The following LRRC36 variants were observed in gnomAD, a reference collection of about 807,000 sequenced individuals.
LRRC36 encodes the protein leucine rich repeat containing 36.
In LRRC36, 62 loss-of-function variants were observed where a neutral mutation model predicts 81.1. That is an observed-to-expected ratio of 0.76 (90% CI 0.62 to 0.94). The LOEUF (loss-of-function observed/expected upper bound fraction) is 0.94. LRRC36 is among the 40% of genes least tolerant of loss of function. The pLI is 0.00. For missense variants in LRRC36, 761 were observed against 881.7 expected, an observed-to-expected ratio of 0.86 and a Z score of 1.73; for synonymous variants, 334 against 348.6, an observed-to-expected ratio of 0.96 and a Z score of 0.47.
At chr16:67,384,768 T>A (rs1426989962) in intron 13 of LRRC36, 102 bp from the exon 14 acceptor site, 1 of 761,930 alleles carries the variant, frequency 1.3e-6, no homozygotes, top group East Asian at 2.5e-5. Context: ...TATTTAAAGA[T>A]GTGACTTCAT....
chr16:67,358,373 TA>T (rs2038993892), intron 5 of LRRC36, among the ~76,000 whole-genome samples: 1 of 152,134 alleles, frequency 6.6e-6, no homozygotes, highest in Non-Finnish European at 1.5e-5. Flanking sequence ...AACCGGAATG[TA>T]GTGGCATGCC....
In LRRC36 at chr16:67,338,865, ATTTTTTTTTTTTTTTTTTTTTTTT is replaced by A. The variant is rs71145967; in HGVS notation, c.71-3069_71-3046del. ...TTTCTAATTTCTGCTTGGAAGCTGA[ATTTTTTTTTTTTTTTTTTTTTTTT>A]TTTTTTTTTTTTTTTTTTTTTTAGG... On this transcript the variant is annotated intron_variant, in intron 1 of 13. Transcript: ENST00000329956. Among the ~76,000 whole-genome samples the A allele has an allele frequency of 9.5e-4, 43 of 45,404 alleles. 1 individual carries two copies. The highest frequency in any genetic ancestry group is 1.5e-3 in the South Asian group (2 of 1,346). 29.8% of individuals were successfully genotyped at this position (45,404 alleles called of 152,430 possible).
At chr16:67,339,482 A>G (rs2037926632) in intron 1 of LRRC36, among the ~76,000 whole-genome samples, 1 of 152,008 alleles carries the variant, frequency 6.6e-6, no homozygotes, top group East Asian at 1.9e-4. Flanking sequence ...AGTGCTTTTA[A>G]TTTTAGGGGT....
At position 67,385,045 on chromosome 16, in the gene LRRC36, C is replaced by T; in HGVS notation, c.2221C>T (p.Leu741=). The T allele has an allele frequency of 6.2e-7, 1 of 1,614,188 alleles. No individual in the cohort carries two copies. The highest frequency in any genetic ancestry group is 8.5e-7 in the Non-Finnish European group (1 of 1,180,036). The change falls in exon 14 of 14, where the codon CTA becomes TTA. Residue 741 remains leucine (L), a synonymous_variant. Coordinates refer to ENST00000329956, the MANE Select transcript of LRRC36 (RefSeq NM_018296.6). ...SPVAHETGQY[L]IQSVLDAAPE... ...AGTGGCACATGAGACTGGTCAGTAT[C>T]TAATACAGAGCGTCTTGGATGCTGC...
At chr16:67,352,184 T>A (rs886885344) in intron 5 of LRRC36, among the ~76,000 whole-genome samples, 1 of 152,250 alleles carries the variant, frequency 6.6e-6, no homozygotes, top group African/African-American at 2.4e-5. Context: ...AAGCCCCAGC[T>A]GTTGCCTGGA....
Position 67,376,788 on chromosome 16 carries a change from CT to C in LRRC36, c.1723del (p.Ser575HisfsTer7). The C allele has an allele frequency of 6.2e-7, 1 of 1,614,002 alleles. No homozygotes were observed. Among genetic ancestry groups the C allele is most frequent in the Non-Finnish European group, 8.5e-7 (1 of 1,179,894 alleles). On this transcript the variant is annotated frameshift_variant, in exon 11 of 14. Coordinates refer to ENST00000329956, the MANE Select transcript of LRRC36 (RefSeq NM_018296.6). LOFTEE classifies it high-confidence loss of function. The part of the protein sequence containing the change: ...VPAPSQPRCC[S>X]HPEDTMKAFC... ...CGGCTCCTTCTCAGCCGAGGTGTTG[CT>C]CACATCCTGAAGACACGATGAAAGC...
At chr16:67,361,218 A>T (rs1404460610) in intron 5 of LRRC36, among the ~76,000 whole-genome samples, 1 of 151,964 alleles carries the variant, frequency 6.6e-6, no homozygotes, top group Non-Finnish European at 1.5e-5. Context: ...TTCAATAGAG[A>T]TGGGGGTCTC....
At chr16:67,341,223 AT>A (rs1281292412) in intron 1 of LRRC36, among the ~76,000 whole-genome samples, 1 of 140,358 alleles carries the variant, frequency 7.1e-6, no homozygotes, top group Non-Finnish European at 1.6e-5. Flanking sequence ...TTAATATATA[AT>A]TTAATATATA....
intron 1 of LRRC36, among the ~76,000 whole-genome samples, chr16:67,341,235 T>C (rs2038064256): frequency 1.4e-5 from 2 of 142,090 alleles, no homozygotes; most frequent in South Asian, 2.2e-4. Flanking sequence ...TTAATATATA[T>C]AATTATATAT....
chr16:67,333,642 A>G (rs759932498), intron 1 of LRRC36, among the ~76,000 whole-genome samples: 6 of 152,144 alleles, frequency 3.9e-5, no homozygotes, highest in Non-Finnish European at 7.3e-5. Flanking sequence ...CATTGGAATC[A>G]TATAATATGT....
At chr16:67,352,262 T>TG (rs1567479663) in intron 5 of LRRC36, among the ~76,000 whole-genome samples, 1 of 152,192 alleles carries the variant, frequency 6.6e-6, no homozygotes, top group Non-Finnish European at 1.5e-5. Flanking sequence ...CACTGAAAAT[T>TG]GTGTTTGTGC....
At chr16:67,371,769 G>C (rs142926243) in intron 9 of LRRC36, 1 of 171,630 alleles carries the variant, frequency 5.8e-6, no homozygotes, top group Non-Finnish European at 1.3e-5. Flanking sequence ...TACTCTACTC[G>C]GGAGGCTGAG....
intron 11 of LRRC36, among the ~76,000 whole-genome samples, chr16:67,377,413 C>T (rs2039942598): frequency 6.6e-6 from 1 of 152,210 alleles, no homozygotes; most frequent in Non-Finnish European, 1.5e-5. Context: ...TCACTGCAAC[C>T]TCTGCCCCCC....
intron 5 of LRRC36, among the ~76,000 whole-genome samples, chr16:67,355,081 G>A (rs2038835397): frequency 6.6e-6 from 1 of 152,094 alleles, no homozygotes; most frequent in Admixed American, 6.5e-5. Context: ...CCTTTTCATG[G>A]CTTGACAGCT....
At chr16:67,341,872 T>A in intron 1 of LRRC36, 85 bp from the exon 2 acceptor site, 1 of 1,086,334 alleles carries the variant, frequency 9.2e-7, no homozygotes, top group Non-Finnish European at 1.3e-6. Context: ...AGTTGAGATA[T>A]GGGAGGAAGA....
chr16:67,347,401 A>G (rs2038401958), intron 3 of LRRC36, 94 bp from the exon 4 acceptor site: 1 of 1,571,080 alleles, frequency 6.4e-7, no homozygotes, highest in East Asian at 2.3e-5. Flanking sequence ...GACTGGTCCT[A>G]ATTTTTCCTC....
At chr16:67,333,392 A>G (rs773804368) in intron 1 of LRRC36, among the ~76,000 whole-genome samples, 2 of 152,184 alleles carry the variant, frequency 1.3e-5, no homozygotes, top group Non-Finnish European at 2.9e-5. Context: ...TCCGCCTCCC[A>G]AAGTGCTGAA....
intron 1 of LRRC36, among the ~76,000 whole-genome samples, chr16:67,339,084 G>A (rs1300041676): frequency 1.3e-5 from 2 of 150,222 alleles, no homozygotes; most frequent in East Asian, 1.9e-4. Flanking sequence ...TGGTAGAGAC[G>A]TGGTTTCACC....
At chr16:67,355,603 T>C (rs2038867894) in intron 5 of LRRC36, among the ~76,000 whole-genome samples, 1 of 152,024 alleles carries the variant, frequency 6.6e-6, no homozygotes, top group African/African-American at 2.4e-5. Flanking sequence ...CTCGATCTCC[T>C]GACCTCATGA....
Sources: allele counts gnomAD v4.1 joint callset (sites outside exome capture counted in the v4.1 genomes callset), GRCh38; gene constraint gnomAD v4.1.1; transcripts MANE v1.5; gene names NCBI Gene and HGNC (gene_info 2026-07-23, HGNC 2026-07-21).